Variants in ME1 observed in about 807,000 individuals in gnomAD.
ME1 encodes the protein malic enzyme 1, also known as NADP-dependent malic enzyme.
In ME1, 74 loss-of-function variants were observed where a neutral mutation model predicts 66.4. That is an observed-to-expected ratio of 1.11 (90% CI 0.92 to 1.35). The LOEUF is 1.35. Ranked by LOEUF, ME1 falls within the 40% of genes most tolerant of loss-of-function variation. The probability of loss-of-function intolerance (pLI) is 0.00; values close to 1 mark genes in which losing one functional copy is unlikely to be tolerated. For synonymous variants in ME1, 251 were observed against 235.6 expected (o/e 1.07, Z -0.60); for missense variants, 750 against 694.1 (o/e 1.08, Z -0.90).
In ME1 at chr6:83,267,327, G is replaced by T. The variant is rs183848841; in HGVS notation, c.705-13589C>A. Among the ~76,000 whole-genome samples the T allele has an allele frequency of 1.4e-4, 21 of 152,138 alleles. No individual in the cohort carries two copies. The East Asian group carries it at 3.7e-3, about 27-fold the overall frequency. On this transcript the variant is annotated intron_variant, in intron 6 of 13. Transcript: ENST00000369705. Reference sequence around the variant, plus strand: ...CACTGCCCTTCTAAGAATTCCTTGTGCAATTCTAAATCAATAAAAAGAACT... The same window carrying T: ...CACTGCCCTTCTAAGAATTCCTTGTTCAATTCTAAATCAATAAAAAGAACT...
At chr6:83,313,170 A>G (rs1174965137) in intron 6 of ME1, among the ~76,000 whole-genome samples, 1 of 152,180 alleles carries the variant, frequency 6.6e-6, no homozygotes, top group Non-Finnish European at 1.5e-5. Context: ...TCTTGGGTTT[A>G]TCTTCACTAC....
rs144207357 is a variant in ME1, at chr6:83,330,165, C to T, written c.601-14752G>A. ...GAAAGTATTCTTTAAATATTAAGAACATTATACACCTTTATCTTCTATACT... is the reference window on the plus strand; with the variant it reads ...GAAAGTATTCTTTAAATATTAAGAATATTATACACCTTTATCTTCTATACT... On this transcript the variant is annotated intron_variant, in intron 5 of 13. Coordinates refer to ENST00000369705, the MANE Select transcript of ME1 (RefSeq NM_002395.6). Among the ~76,000 whole-genome samples the T allele has an allele frequency of 4.6e-3, 695 of 152,276 alleles. 2 individuals carry two copies. The highest frequency in any genetic ancestry group is 0.015 in the African/African-American group (637 of 41,540).
At chr6:83,316,431 A>G (rs910744353) in intron 5 of ME1, among the ~76,000 whole-genome samples, 1 of 152,178 alleles carries the variant, frequency 6.6e-6, no homozygotes, top group Non-Finnish European at 1.5e-5. Context: ...CCTTAACGCA[A>G]TAAAGGACAT....
intron 1 of ME1, among the ~76,000 whole-genome samples, chr6:83,409,535 C>T (rs1379283920): frequency 6.6e-6 from 1 of 152,196 alleles, no homozygotes; most frequent in African/African-American, 2.4e-5. Context: ...AATGAATGAA[C>T]AATCCTCTCT....
chr6:83,352,520 A>T (rs1768821916), intron 3 of ME1, among the ~76,000 whole-genome samples: 1 of 152,212 alleles, frequency 6.6e-6, no homozygotes, highest in African/African-American at 2.4e-5. Context: ...AACATGAAGC[A>T]TCTGTAAACA....
intron 7 of ME1, among the ~76,000 whole-genome samples, chr6:83,246,984 G>C (rs1020584067): frequency 2.4e-4 from 36 of 152,162 alleles, no homozygotes; most frequent in Admixed American, 6.5e-4. Context: ...TATGTTTACT[G>C]GCCATGGTAT....
At chr6:83,374,856 C>A (rs548411025) in intron 3 of ME1, among the ~76,000 whole-genome samples, 1 of 152,232 alleles carries the variant, frequency 6.6e-6, no homozygotes, top group Non-Finnish European at 1.5e-5. Context: ...ATAGGAATTC[C>A]TTTCCCCATT....
intron 6 of ME1, among the ~76,000 whole-genome samples, chr6:83,303,007 G>T (rs1197926648): frequency 6.6e-6 from 1 of 152,112 alleles, no homozygotes; most frequent in African/African-American, 2.4e-5. Flanking sequence ...TATGATTATA[G>T]AAACTGGGTT....
intron 4 of ME1, among the ~76,000 whole-genome samples, chr6:83,347,647 A>G (rs9353125): frequency 6.6e-6 from 1 of 152,296 alleles, no homozygotes; most frequent in East Asian, 1.9e-4. Context: ...AAATATTAGT[A>G]AATTGAATAA....
chr6:83,296,659 C>T (rs769988942), intron 6 of ME1, among the ~76,000 whole-genome samples: 2 of 152,102 alleles, frequency 1.3e-5, no homozygotes, highest in African/African-American at 2.4e-5. Flanking sequence ...TATTGGAAGT[C>T]TTGTCCACAG....
intron 5 of ME1, among the ~76,000 whole-genome samples, chr6:83,317,221 G>A (rs1176666096): frequency 6.6e-6 from 1 of 151,982 alleles, no homozygotes; most frequent in African/African-American, 2.4e-5. Flanking sequence ...GAAATTAAGT[G>A]TGTGGTTTTA....
chr6:83,301,130 G>C (rs1767707974), intron 6 of ME1, among the ~76,000 whole-genome samples: 1 of 151,934 alleles, frequency 6.6e-6, no homozygotes, highest in Non-Finnish European at 1.5e-5. Flanking sequence ...CACCAACATG[G>C]TACATGTATA....
intron 5 of ME1, among the ~76,000 whole-genome samples, chr6:83,341,601 A>T (rs1193262831): frequency 2.6e-5 from 4 of 152,222 alleles, no homozygotes; most frequent in Non-Finnish European, 4.4e-5. Context: ...ACATTTTTAC[A>T]ATTAAATTCC....
intron 7 of ME1, among the ~76,000 whole-genome samples, chr6:83,251,280 C>T (rs928647398): frequency 6.6e-6 from 1 of 151,926 alleles, no homozygotes; most frequent in Non-Finnish European, 1.5e-5. Context: ...AGATCACTTG[C>T]ATTCAGGAGC....
intron 4 of ME1, among the ~76,000 whole-genome samples, chr6:83,350,190 G>A (rs550830407): frequency 9.2e-4 from 140 of 152,180 alleles, no homozygotes; most frequent in African/African-American, 3.1e-3. Context: ...AATAGCTGCC[G>A]TTTACTAAGT....
At chr6:83,389,195 A>G (rs1021870159) in intron 3 of ME1, among the ~76,000 whole-genome samples, 1 of 152,142 alleles carries the variant, frequency 6.6e-6, no homozygotes, top group Admixed American at 6.6e-5. Flanking sequence ...TTTAATATCT[A>G]TTATTTATGA....
intron 3 of ME1, among the ~76,000 whole-genome samples, chr6:83,386,497 C>T (rs1029131023): frequency 6.6e-6 from 1 of 151,808 alleles, no homozygotes; most frequent in Non-Finnish European, 1.5e-5. Context: ...TTAGGACTGC[C>T]TCTCACCCCT....
At chr6:83,282,024 A>G (rs1036707285) in intron 6 of ME1, among the ~76,000 whole-genome samples, 4 of 151,830 alleles carry the variant, frequency 2.6e-5, no homozygotes, top group African/African-American at 7.2e-5. Flanking sequence ...GAATTTCTAA[A>G]TAGAATTGAA....
At chr6:83,380,314 A>G (rs998848331) in intron 3 of ME1, among the ~76,000 whole-genome samples, 6 of 152,158 alleles carry the variant, frequency 3.9e-5, no homozygotes, top group African/African-American at 1.4e-4. Flanking sequence ...AATTACAAAA[A>G]TCCTTGAATA....
Sources: gnomAD v4.1 joint callset for allele counts (sites outside exome capture counted in the v4.1 genomes callset) on GRCh38, gnomAD v4.1.1 for gene constraint, MANE v1.5 for transcripts, NCBI Gene and HGNC (gene_info 2026-07-23, HGNC 2026-07-21) for gene names.